The following CPSF2 variants were observed in gnomAD, a reference collection of about 807,000 sequenced individuals.
CPSF2 encodes cleavage and polyadenylation specific factor 2.
A neutral mutation model predicts 84.2 loss-of-function variants in CPSF2; 51 were observed. The ratio of observed to expected loss-of-function variants is 0.61; its 90% CI spans 0.48 to 0.77. CPSF2 has a LOEUF of 0.77. Among genes scored for constraint, CPSF2 ranks in the 30% least tolerant of loss-of-function variants. The probability of loss-of-function intolerance (pLI) is 0.00; values close to 1 mark genes in which losing one functional copy is unlikely to be tolerated. For missense variants in CPSF2, 641 were observed against 929.4 expected, an observed-to-expected ratio of 0.69 and a Z score of 4.03; for synonymous variants, 286 against 311.9, an observed-to-expected ratio of 0.92 and a Z score of 0.87.
rs1195636442 is a variant in CPSF2 at position 92,161,822 on chromosome 14, T to G, written c.*78T>G. 4 of 819,730 alleles carry G rather than the reference T, an allele frequency of 4.9e-6. No individual in the cohort carries two copies. The highest frequency in any genetic ancestry group is 7.5e-6 in the Non-Finnish European group (4 of 530,858). The allele number at this position is 819,730 out of a possible 1,614,324, so 50.8% of individuals were successfully genotyped here. A position where few individuals can be genotyped will look rare whatever the true frequency, so the allele number is the denominator to read the frequency against. ...TTATCTTACTCTGAGCTTTTGATGT[T>G]TTGTTTTGTAACATACAAAAAGAAT... On this transcript the variant is annotated 3_prime_UTR_variant, in exon 16 of 16. Transcript: ENST00000298875.
In CPSF2 at chr14:92,122,096, G is replaced by C; in HGVS notation, c.-126G>C. The C allele has an allele frequency of 2.2e-6, 1 of 447,082 alleles. No homozygotes were observed. Among genetic ancestry groups the C allele is most frequent in the South Asian group, 2.1e-5 (1 of 47,632 alleles). The allele number at this position is 447,082 out of a possible 1,614,324, so 27.7% of individuals were successfully genotyped here. A position where few individuals can be genotyped will look rare whatever the true frequency, so the allele number is the denominator to read the frequency against. ...CTGGATTCGCCTAGGGGTTGGGAAGGGCTGTGGACGGCGTTGGGGGAGGCC... is the reference window on the plus strand; with the variant it reads ...CTGGATTCGCCTAGGGGTTGGGAAGCGCTGTGGACGGCGTTGGGGGAGGCC... On this transcript the variant is annotated 5_prime_UTR_variant, in exon 1 of 16. Transcript: ENST00000298875.
At chr14:92,136,109 T>G (rs1303852788) in intron 6 of CPSF2, among the ~76,000 whole-genome samples, 1 of 152,248 alleles carries the variant, frequency 6.6e-6, no homozygotes, top group African/African-American at 2.4e-5. Context: ...ATTCTAGTTA[T>G]GATTTTACAC....
chr14:92,158,137 G>GT (rs1289503393), intron 13 of CPSF2, among the ~76,000 whole-genome samples: 1 of 152,136 alleles, frequency 6.6e-6, no homozygotes, highest in Non-Finnish European at 1.5e-5. Flanking sequence ...TTTAGAAAAG[G>GT]TTTCCTACAG....
In CPSF2 at chr14:92,170,342, A is replaced by C. The variant is rs954588697; in HGVS notation, c.*8598A>C. On this transcript the variant is annotated 3_prime_UTR_variant, in exon 16 of 16. Coordinates refer to ENST00000298875, the MANE Select transcript of CPSF2 (RefSeq NM_017437.3). ...GCTATGTATTCACATTATTTTTTGAACTGTTTGTTACTAAGTTGCAATTGT... is the reference window on the plus strand; with the variant it reads ...GCTATGTATTCACATTATTTTTTGACCTGTTTGTTACTAAGTTGCAATTGT... The C allele has an allele frequency of 6.6e-6, 1 of 152,164 alleles. No individual in the cohort carries two copies. The highest frequency in any genetic ancestry group is 1.5e-5 in the Non-Finnish European group (1 of 68,028). The allele number at this position is 152,164 out of a possible 1,614,324, so 9.4% of individuals were successfully genotyped here.
rs187994456 is a variant in CPSF2 at position 92,143,486 on chromosome 14, C to A, written c.1140+192C>A. Among the ~76,000 whole-genome samples the A allele has an allele frequency of 3.1e-3, 464 of 152,122 alleles. 3 individuals carry two copies. Among genetic ancestry groups the A allele is most frequent in the Middle Eastern group, 6.8e-3 (2 of 294 alleles). ...GGGAGGCTGAGGCGGAAGGACCACT[C>A]GAGCCCAGGAATTTGAGGTCAGCCT... On this transcript the variant is annotated intron_variant, in intron 9 of 15. Coordinates refer to ENST00000298875, the MANE Select transcript of CPSF2 (RefSeq NM_017437.3).
In CPSF2 at chr14:92,141,231, A is replaced by C. The variant is rs148463857; in HGVS notation, c.662-933A>C. 1.8e-3 allele frequency among the ~76,000 whole-genome samples: 280 copies of C among 152,314 alleles called. 2 individuals carry two copies. Among genetic ancestry groups the C allele is most frequent in the African/African-American group, 6.4e-3 (264 of 41,566 alleles). ...GTTTAAAAAATATAAGTAAAAAAAA[A>C]CAGTGTAACAACCATTTACATAGCA... On this transcript the variant is annotated intron_variant, in intron 7 of 15. Coordinates refer to ENST00000298875, the MANE Select transcript of CPSF2 (RefSeq NM_017437.3).
chr14:92,122,460 C>T (rs541304942), intron 1 of CPSF2: 1 of 157,122 alleles, frequency 6.4e-6, no homozygotes, highest in African/African-American at 2.4e-5. Flanking sequence ...AGCTCCTTGG[C>T]TTCGTGGCTA....
rs1255663397 is a variant in CPSF2 at position 92,168,189 on chromosome 14, A to T, written c.*6445A>T. The T allele has an allele frequency of 2.0e-5, 3 of 148,932 alleles. No individual in the cohort carries two copies. The highest frequency in any genetic ancestry group is 4.4e-5 in the Non-Finnish European group (3 of 67,520). 9.2% of individuals were successfully genotyped at this position (148,932 alleles called of 1,614,324 possible). On this transcript the variant is annotated 3_prime_UTR_variant, in exon 16 of 16. Transcript: ENST00000298875. Reference sequence around the variant, plus strand: ...CTTGAACCCGGGATGCGGAAGTTGCAGTGAGCCAAGATCACGCCACTGTAC... The same window carrying T: ...CTTGAACCCGGGATGCGGAAGTTGCTGTGAGCCAAGATCACGCCACTGTAC...
Position 92,143,233 on chromosome 14 carries a change from C to T in CPSF2, c.1079C>T (p.Thr360Ile), listed in dbSNP as rs752508172. The change falls in exon 9 of 16, where the codon ACT becomes ATT. Residue 360 changes from threonine (T) to isoleucine (I), a missense_variant. By Grantham distance (89) the Thr-to-Ile change is moderately conservative (BLOSUM62 -1). Transcript: ENST00000298875. ...KNSIILTYRT[T>I]PGTLARFLID... ...TCAATCATTCTAACCTACAGAACTA[C>T]TCCTGGGACTTTAGCACGTTTCCTA... The T allele has an allele frequency of 6.2e-7, 1 of 1,613,126 alleles. No individual in the cohort carries two copies. Among genetic ancestry groups the T allele is most frequent in the Non-Finnish European group, 8.5e-7 (1 of 1,179,264 alleles).
intron 1 of CPSF2, among the ~76,000 whole-genome samples, chr14:92,124,363 T>C (rs1010676997): frequency 5.3e-5 from 8 of 152,084 alleles, no homozygotes; most frequent in African/African-American, 1.4e-4. Flanking sequence ...GGGCAATCAT[T>C]CAGGTAAGGC....
At chr14:92,150,261 TGTGCCACGTTGCCCA>T (rs755420935) in intron 9 of CPSF2, among the ~76,000 whole-genome samples, 1 of 151,930 alleles carries the variant, frequency 6.6e-6, no homozygotes, top group Non-Finnish European at 1.5e-5. Flanking sequence ...ACTACAGGTG[TGTGCCACGTTGCCCA>T]GCTAATTTTT....
intron 5 of CPSF2, among the ~76,000 whole-genome samples, chr14:92,134,923 AAC>A (rs1447640513): frequency 1.3e-5 from 2 of 152,208 alleles, no homozygotes; most frequent in Admixed American, 1.3e-4. Context: ...CAACAGTCTC[AAC>A]AGTTTTGCTT....
chr14:92,146,141 G>T (rs1445525154), intron 9 of CPSF2, among the ~76,000 whole-genome samples: 3 of 152,224 alleles, frequency 2.0e-5, no homozygotes, highest in Non-Finnish European at 2.9e-5. Context: ...GAATGCACCT[G>T]TCTAGCCTGT....
chr14:92,142,510 A>T (rs1181984151), intron 8 of CPSF2, among the ~76,000 whole-genome samples, 159 bp downstream of exon 8: 1 of 152,214 alleles, frequency 6.6e-6, no homozygotes, highest in South Asian at 2.1e-4. Flanking sequence ...TGTGCTTTAA[A>T]TGTATTATTT....
At chr14:92,161,330 A>G (rs1405947116) in intron 15 of CPSF2, 84 bp downstream of exon 15, 7 of 1,445,954 alleles carry the variant, frequency 4.8e-6, no homozygotes, top group South Asian at 4.2e-5. Flanking sequence ...CTTGTTTGGT[A>G]TTTTCACAAA....
chr14:92,159,373 C>T, intron 14 of CPSF2, 91 bp downstream of exon 14: 1 of 968,832 alleles, frequency 1.0e-6, no homozygotes, highest in East Asian at 2.4e-5. Context: ...CCTTCTAAAA[C>T]TAAGTGGGTC....
chr14:92,130,974 G>T lies in CPSF2; in HGVS notation c.-11G>T. ...AGACTCTTCTAGCTTGCTGTTTCTG[G>T]ACCAAAAAAAATGACGTCTATTATC... On this transcript the variant is annotated 5_prime_UTR_variant, in exon 3 of 16. Coordinates refer to ENST00000298875, the MANE Select transcript of CPSF2 (RefSeq NM_017437.3). 6.2e-7 allele frequency: 1 copy of T among 1,607,280 alleles called. No homozygotes were observed. Among genetic ancestry groups the T allele is most frequent in the Non-Finnish European group, 8.5e-7 (1 of 1,178,266 alleles).
intron 7 of CPSF2, among the ~76,000 whole-genome samples, chr14:92,140,093 A>G (rs949694345): frequency 3.3e-5 from 5 of 150,984 alleles, no homozygotes; most frequent in Non-Finnish European, 7.4e-5. Context: ...AGCTGGGATT[A>G]CAGGTGTGCG....
chr14:92,158,973 G>C lies in CPSF2; in HGVS notation c.1822-10G>C. 6.3e-7 allele frequency: 1 copy of C among 1,586,212 alleles called. No homozygotes were observed. Among genetic ancestry groups the C allele is most frequent in the Non-Finnish European group, 8.6e-7 (1 of 1,165,930 alleles). ...GGTTTTATTTCTCTCCCCCTCCTTT[G>C]CATGTCTAGGTGAGGTTAAAAGACT... On this transcript the variant is annotated splice_polypyrimidine_tract_variant and intron_variant, in intron 13 of 15. Coordinates refer to ENST00000298875, the MANE Select transcript of CPSF2 (RefSeq NM_017437.3).
Sources: allele counts gnomAD v4.1 joint callset (sites outside exome capture counted in the v4.1 genomes callset), GRCh38; gene constraint gnomAD v4.1.1; transcripts MANE v1.5; gene names NCBI Gene and HGNC (gene_info 2026-07-23, HGNC 2026-07-21).